Variants in ADAM28 observed in about 807,000 individuals in gnomAD.
ADAM28 encodes ADAM metallopeptidase domain 28.
Under a neutral mutation model 101.2 loss-of-function variants are expected in ADAM28, and 105 were observed. The observed-to-expected ratio is 1.04, with a 90% CI of 0.89 to 1.22. The LOEUF (loss-of-function observed/expected upper bound fraction) is 1.22, where lower values mean the gene tolerates loss of function less well. Among genes scored for constraint, ADAM28 ranks in the 50% most tolerant of loss-of-function variants. The pLI, the probability that ADAM28 is intolerant of heterozygous loss-of-function variation, is 0.00. For synonymous variants in ADAM28, 322 were observed against 310.6 expected, an observed-to-expected ratio of 1.04 and a Z score of -0.39; for missense variants, 1,028 against 945.4, an observed-to-expected ratio of 1.09 and a Z score of -1.15.
At chr8:24,339,119 G>T (rs1585698097) in intron 14 of ADAM28, among the ~76,000 whole-genome samples, 1 of 152,042 alleles carries the variant, frequency 6.6e-6, no homozygotes, top group South Asian at 2.1e-4. Context: ...TGAAGCCTGG[G>T]CTCTTAACAA....
At chr8:24,353,993 A>G (rs1816483394) in intron 22 of ADAM28, among the ~76,000 whole-genome samples, 161 bp downstream of exon 22, 3 of 152,120 alleles carry the variant, frequency 2.0e-5, no homozygotes, top group African/African-American at 7.2e-5. Context: ...GGTATGGCCA[A>G]TAATTAAAAA....
intron 6 of ADAM28, 110 bp downstream of exon 6, chr8:24,313,690 TA>T (rs2129272710): frequency 1.9e-6 from 2 of 1,075,484 alleles, no homozygotes; most frequent in Admixed American, 4.8e-5. Context: ...TAGTAAGTTA[TA>T]GAGACACTAA....
chr8:24,346,098 G>A (rs578008070), intron 18 of ADAM28, among the ~76,000 whole-genome samples: 3 of 152,088 alleles, frequency 2.0e-5, no homozygotes, highest in East Asian at 3.9e-4. Flanking sequence ...AGACCCTAGA[G>A]GATGACAATT....
intron 2 of ADAM28, among the ~76,000 whole-genome samples, chr8:24,303,783 G>A (rs960227208): frequency 7.2e-5 from 11 of 152,136 alleles, no homozygotes; most frequent in African/African-American, 2.7e-4. Context: ...AACATGGAAT[G>A]TTTTTCCATT....
At chr8:24,329,882 T>TGA (rs755713635) in intron 10 of ADAM28, 103 bp from the exon 11 acceptor site, 80 of 946,468 alleles carry the variant, frequency 8.5e-5, no homozygotes, top group Admixed American at 3.8e-4. Context: ...TGTGTGTGTG[T>TGA]GTGTGAGAGA....
At position 24,343,182 on chromosome 8, in the gene ADAM28, G is replaced by T. The variant is rs1814992960; in HGVS notation, c.1911+1G>T. The T allele has an allele frequency of 6.2e-7, 1 of 1,613,498 alleles. No homozygotes were observed. The highest frequency in any genetic ancestry group is 1.1e-5 in the South Asian group (1 of 91,072). On this transcript the variant is annotated splice_donor_variant, in intron 17 of 22. Transcript: ENST00000265769. LOFTEE classifies it high-confidence loss of function. ...CTCATCTAAGTGCAAAGGACATGCT[G>T]TAAGTTCTGAAAATATGTTTCCCTA...
intron 5 of ADAM28, among the ~76,000 whole-genome samples, chr8:24,313,172 T>G (rs1810697609): frequency 6.6e-6 from 1 of 152,224 alleles, no homozygotes; most frequent in African/African-American, 2.4e-5. Flanking sequence ...CAGCAGTCAC[T>G]TCTCCTTAAT....
chr8:24,350,736 T>C (rs1469418851), intron 19 of ADAM28, among the ~76,000 whole-genome samples: 10 of 152,206 alleles, frequency 6.6e-5, no homozygotes, highest in Non-Finnish European at 1.5e-4. Flanking sequence ...TTTGCAAGGT[T>C]AGGAACTTCA....
chr8:24,298,730 C>T, intron 1 of ADAM28, among the ~76,000 whole-genome samples: 1 of 152,156 alleles, frequency 6.6e-6, no homozygotes, highest in Non-Finnish European at 1.5e-5. Context: ...GAGTTAGGCC[C>T]CATTCTGCTA....
intron 9 of ADAM28, among the ~76,000 whole-genome samples, chr8:24,325,835 T>G (rs10101880): frequency 0.044 from 4,539 of 103,722 alleles, 296 homozygotes; most frequent in African/African-American, 0.16. Context: ...GGCAAATTTC[T>G]AGAGACAATT....
chr8:24,351,626 T>G (rs1188969785), intron 20 of ADAM28: 3 of 478,436 alleles, frequency 6.3e-6, no homozygotes, highest in Non-Finnish European at 1.1e-5. Flanking sequence ...GCTTATTTCT[T>G]TGCAAATTGA....
chr8:24,349,796 C>A, intron 18 of ADAM28, 68 bp from the exon 19 acceptor site: 2 of 1,208,630 alleles, frequency 1.7e-6, no homozygotes, highest in South Asian at 1.4e-5. Context: ...AGTAAAGAAA[C>A]AAGGACTAGT....
At chr8:24,300,577 G>A (rs544949695) in intron 2 of ADAM28, among the ~76,000 whole-genome samples, 10 of 151,946 alleles carry the variant, frequency 6.6e-5, no homozygotes, top group Non-Finnish European at 1.0e-4. Flanking sequence ...CACCACGCTC[G>A]GCTAATTTTT....
At chr8:24,314,402 GATAAATGAAT>G (rs1810883910) in intron 6 of ADAM28, among the ~76,000 whole-genome samples, 1 of 152,112 alleles carries the variant, frequency 6.6e-6, no homozygotes, top group Non-Finnish European at 1.5e-5. Context: ...AGTCATAGGA[GATAAATGAAT>G]ATAGTTTTGT....
chr8:24,350,149 C>T (rs767113131), intron 19 of ADAM28, among the ~76,000 whole-genome samples, 177 bp downstream of exon 19: 2 of 152,142 alleles, frequency 1.3e-5, no homozygotes, highest in Non-Finnish European at 2.9e-5. Context: ...AGAAATCCTT[C>T]ACATCTAGAA....
intron 2 of ADAM28, among the ~76,000 whole-genome samples, chr8:24,304,974 C>T (rs1393579673): frequency 6.6e-6 from 1 of 151,712 alleles, no homozygotes. Context: ...CATCATATTC[C>T]AGTTCTTATG....
chr8:24,341,591 T>C lies in ADAM28; in HGVS notation c.1671-7T>C, dbSNP rs778821915. On this transcript the variant is annotated splice_region_variant and splice_polypyrimidine_tract_variant and intron_variant, in intron 15 of 22. Coordinates refer to ENST00000265769, the MANE Select transcript of ADAM28 (RefSeq NM_014265.6). Reference sequence around the variant, plus strand: ...AATCCTGCAATACATTTTGGCTTTTTCCTCAGTGATACCATGTGTGGGAAG... The same window carrying C: ...AATCCTGCAATACATTTTGGCTTTTCCCTCAGTGATACCATGTGTGGGAAG... The C allele has an allele frequency of 1.2e-6, 2 of 1,608,966 alleles. No individual in the cohort carries two copies. The highest frequency in any genetic ancestry group is 1.7e-6 in the Non-Finnish European group (2 of 1,176,824).
intron 14 of ADAM28, 180 bp downstream of exon 14, chr8:24,335,821 A>C: frequency 7.9e-7 from 1 of 1,272,628 alleles, no homozygotes; most frequent in Non-Finnish European, 9.9e-7. Flanking sequence ...AGCAAGTAAA[A>C]ATAAGGATGG....
chr8:24,300,044 G>C lies in ADAM28; in HGVS notation c.117G>C (p.Leu39=). 1 of 1,613,582 alleles carries C rather than the reference G, an allele frequency of 6.2e-7. No individual in the cohort carries two copies. Among genetic ancestry groups the C allele is most frequent in the Admixed American group, 1.7e-5 (1 of 59,988 alleles). ...TTTATCCTATAAGACTTCATCCACTGCATAAAAGAGAGGCCAAAGAGCCAG... is the reference window on the plus strand; with the variant it reads ...TTTATCCTATAAGACTTCATCCACTCCATAAAAGAGAGGCCAAAGAGCCAG... ...EVVYPIRLHP[L]HKREAKEPEQ... The change falls in exon 2 of 23, where the codon CTG becomes CTC. Residue 39 remains leucine, a synonymous_variant. Transcript: ENST00000265769.
Sources: allele counts gnomAD v4.1 joint callset (sites outside exome capture counted in the v4.1 genomes callset), GRCh38; gene constraint gnomAD v4.1.1; transcripts MANE v1.5; gene names NCBI Gene and HGNC (gene_info 2026-07-23, HGNC 2026-07-21).